The following NWD1 variants were observed in gnomAD, a reference collection of about 807,000 sequenced individuals.
NWD1 encodes the protein NACHT and WD repeat domain containing 1.
NWD1 carries 129 observed loss-of-function variants against 135.1 expected under a neutral mutation model. The observed-to-expected ratio is 0.96, with a 90% CI of 0.83 to 1.11. NWD1 has a LOEUF of 1.11. NWD1 is among the 50% of genes least tolerant of loss of function. The pLI is 0.00. For missense variants in NWD1, 1,740 were observed against 1,851.3 expected, an observed-to-expected ratio of 0.94 and a Z score of 1.10; for synonymous variants, 773 against 786.0, an observed-to-expected ratio of 0.98 and a Z score of 0.28.
chr19:16,793,583 G>GT (rs35605941), intron 14 of NWD1, among the ~76,000 whole-genome samples: 119 of 142,696 alleles, frequency 8.3e-4, no homozygotes, highest in African/African-American at 2.5e-3. Context: ...GTTTTTGGTT[G>GT]TTTTTTTTTT....
intron 6 of NWD1, among the ~76,000 whole-genome samples, chr19:16,756,828 G>GCTC (rs1305813972): frequency 6.6e-6 from 1 of 152,118 alleles, no homozygotes; most frequent in Non-Finnish European, 1.5e-5. Context: ...ACTTCTTGCT[G>GCTC]CTCCTCATCA....
At chr19:16,813,039 G>A (rs542721784) in intron 18 of NWD1, among the ~76,000 whole-genome samples, 4 of 152,304 alleles carry the variant, frequency 2.6e-5, no homozygotes, top group East Asian at 3.9e-4. Flanking sequence ...TCTGGAGTTC[G>A]AGAACTCCCT....
At chr19:16,746,539 G>C (rs2122784168) in intron 5 of NWD1, among the ~76,000 whole-genome samples, 1 of 152,192 alleles carries the variant, frequency 6.6e-6, no homozygotes, top group South Asian at 2.1e-4. Context: ...TGGGCATGGT[G>C]GTGCACACCT....
chr19:16,735,826 GAA>G lies in NWD1; in HGVS notation c.82-806_82-805del, dbSNP rs1226433353. ...GGAAGGAAGGAAGGAAGGAAGGAAGGAAAGAAGGAAGGAAGGAAGGAAGGAAG... is the reference window on the plus strand; with the variant it reads ...GGAAGGAAGGAAGGAAGGAAGGAAGGAGAAGGAAGGAAGGAAGGAAGGAAG... On this transcript the variant is annotated intron_variant, in intron 3 of 18. Transcript: ENST00000524140. Among the ~76,000 whole-genome samples the G allele has an allele frequency of 3.9e-4, 22 of 57,126 alleles. No individual in the cohort carries two copies. The South Asian group carries it at 9.0e-3, about 23-fold the overall frequency. 37.5% of individuals were successfully genotyped at this position (57,126 alleles called of 152,430 possible). A position where few individuals can be genotyped will look rare whatever the true frequency, so the allele number is the denominator to read the frequency against.
rs1372600263 is a variant in NWD1 at position 16,799,940 on chromosome 19, G to GC, written c.3519dup (p.Val1174ArgfsTer31). 1.2e-6 allele frequency: 2 copies of GC among 1,613,844 alleles called. No individual in the cohort carries two copies. The highest frequency in any genetic ancestry group is 2.7e-5 in the African/African-American group (2 of 74,936). On this transcript the variant is annotated frameshift_variant, in exon 17 of 19. Transcript: ENST00000524140. LOFTEE classifies it high-confidence loss of function. The stretch of plus-strand genomic sequence containing the variant: ...TCTGGACATCCTGGAAGGCGTCGGG[G>GC]CCCCCGTGAGCCTGCTGGCCCGCGG...
Position 16,817,411 on chromosome 19 carries a change from G to T in NWD1, c.*2372G>T, listed in dbSNP as rs1335008783. The T allele has an allele frequency of 6.6e-6, 1 of 151,878 alleles. No homozygotes were observed. Among genetic ancestry groups the T allele is most frequent in the Non-Finnish European group, 1.5e-5 (1 of 68,026 alleles). 9.4% of individuals were successfully genotyped at this position (151,878 alleles called of 1,614,324 possible). On this transcript the variant is annotated 3_prime_UTR_variant, in exon 19 of 19. Coordinates refer to ENST00000524140, the MANE Select transcript of NWD1 (RefSeq NM_001007525.5). ...AGGCCAGGTGTTCAAGAGCAGCCTGGTCAACATGGTGAAACTCTGTCTCTA... is the reference window on the plus strand; with the variant it reads ...AGGCCAGGTGTTCAAGAGCAGCCTGTTCAACATGGTGAAACTCTGTCTCTA...
chr19:16,749,808 T>A lies in NWD1; in HGVS notation c.1166T>A (p.Ile389Asn), dbSNP rs1286585651. The A allele has an allele frequency of 3.1e-6, 5 of 1,606,768 alleles. No individual in the cohort carries two copies. Among genetic ancestry groups the A allele is most frequent in the Non-Finnish European group, 4.3e-6 (5 of 1,176,076 alleles). ...SSDARGLLKS[I>N]CFQVCLAYGL... ...GATGCCCGTGGCCTGCTGAAGAGCA[T>A]CTGCTTCCAGGTGTGCCTGGCCTAT... The change falls in exon 6 of 19, where the codon ATC becomes AAC. Residue 389 changes from isoleucine (I) to asparagine (N), a missense_variant. Coordinates refer to ENST00000524140, the MANE Select transcript of NWD1 (RefSeq NM_001007525.5).
intron 1 of NWD1, among the ~76,000 whole-genome samples, chr19:16,722,120 A>C (rs77315388): frequency 0.011 from 948 of 86,742 alleles, 7 homozygotes; most frequent in South Asian, 0.016. Context: ...CTCTTGAAAA[A>C]AACAACAACA....
At chr19:16,780,093 G>A (rs1969802019) in intron 12 of NWD1, among the ~76,000 whole-genome samples, 1 of 151,682 alleles carries the variant, frequency 6.6e-6, no homozygotes. Flanking sequence ...ACTCAACTTT[G>A]CTCCACGTGG....
In NWD1 at chr19:16,800,104, C is replaced by T. The variant is rs747397168; in HGVS notation, c.3678C>T (p.Tyr1226=). 27 of 1,613,634 alleles carry T rather than the reference C, an allele frequency of 1.7e-5. 1 individual carries two copies. The highest frequency in any genetic ancestry group is 1.3e-4 in the African/African-American group (10 of 74,928). The change falls in exon 17 of 19, where the codon TAC becomes TAT. Residue 1226 remains tyrosine (Y), a synonymous_variant. Transcript: ENST00000524140. The part of the protein sequence containing the change: ...GLTAVSHNGS[Y]VYFPKIGDKN... Reference sequence around the variant, plus strand: ...CCGCAGTGTCCCACAATGGAAGCTACGTCTACTTCCCCAAAATTGGGGACA... The same window carrying T: ...CCGCAGTGTCCCACAATGGAAGCTATGTCTACTTCCCCAAAATTGGGGACA...
At chr19:16,771,218 G>A (rs143893605) in intron 10 of NWD1, among the ~76,000 whole-genome samples, 5 of 152,322 alleles carry the variant, frequency 3.3e-5, no homozygotes, top group South Asian at 4.1e-4. Context: ...TTGAGAAGCC[G>A]AGGCAGGCAG....
At position 16,808,274 on chromosome 19, in the gene NWD1, G is replaced by T. The variant is rs180860044; in HGVS notation, c.4287+138G>T. On this transcript the variant is annotated intron_variant, in intron 18 of 18. Transcript: ENST00000524140. ...TGATGAAAATGAGGCACTTGGTCAG[G>T]CGCAGTGGCTCACGCCTGTAATCCC... The T allele has an allele frequency of 5.2e-6, 4 of 765,484 alleles. No individual in the cohort carries two copies. In the African/African-American group the frequency reaches 7.0e-5, roughly 13 times the overall value. The allele number at this position is 765,484 out of a possible 1,614,324, so 47.4% of individuals were successfully genotyped here. A position where few individuals can be genotyped will look rare whatever the true frequency, so the allele number is the denominator to read the frequency against.
At chr19:16,780,438 G>C (rs1387899083) in intron 12 of NWD1, among the ~76,000 whole-genome samples, 5 of 152,160 alleles carry the variant, frequency 3.3e-5, no homozygotes, top group Non-Finnish European at 7.4e-5. Flanking sequence ...TTACAGGCGT[G>C]AGCCACCGTG....
intron 13 of NWD1, among the ~76,000 whole-genome samples, chr19:16,789,708 C>T (rs1970174632): frequency 7.1e-6 from 1 of 140,418 alleles, no homozygotes; most frequent in Non-Finnish European, 1.5e-5. Flanking sequence ...TCTCTCTCTC[C>T]TCTCTCTCTT....
At position 16,760,932 on chromosome 19, in the gene NWD1, A is replaced by G. The variant is rs560231020; in HGVS notation, c.1974-1047A>G. On this transcript the variant is annotated intron_variant, in intron 7 of 18. Coordinates refer to ENST00000524140, the MANE Select transcript of NWD1 (RefSeq NM_001007525.5). The stretch of plus-strand genomic sequence containing the variant: ...AATTGAGTGGTATTTTAGTACACTC[A>G]TAATGTTGCACCCCTCACCTCTGTC... Among the ~76,000 whole-genome samples the G allele has an allele frequency of 2.6e-5, 4 of 152,288 alleles. No individual in the cohort carries two copies. The South Asian group carries it at 8.3e-4, about 32-fold the overall frequency.
rs539405730 is a variant in NWD1, at chr19:16,815,980, C to T, written c.*941C>T. The T allele has an allele frequency of 6.6e-6, 1 of 152,412 alleles. No homozygotes were observed. Among genetic ancestry groups the T allele is most frequent in the South Asian group, 2.1e-4 (1 of 4,832 alleles). 9.4% of individuals were successfully genotyped at this position (152,412 alleles called of 1,614,324 possible). A position where few individuals can be genotyped will look rare whatever the true frequency, so the allele number is the denominator to read the frequency against. ...TATAATTTGATTCAGGTCACAAGTC[C>T]AAGGTGCAAGAGCTCTGAGAGTGAG... On this transcript the variant is annotated 3_prime_UTR_variant, in exon 19 of 19. Transcript: ENST00000524140.
intron 5 of NWD1, among the ~76,000 whole-genome samples, chr19:16,748,841 G>T (rs773914): frequency 0.046 from 5,904 of 129,560 alleles, 149 homozygotes; most frequent in African/African-American, 0.076. Flanking sequence ...ATAATAATAA[G>T]AAGAAGAATA....
At chr19:16,796,087 G>T (rs1970408691) in intron 15 of NWD1, among the ~76,000 whole-genome samples, 1 of 152,152 alleles carries the variant, frequency 6.6e-6, no homozygotes, top group Non-Finnish European at 1.5e-5. Flanking sequence ...GTTTTTATAG[G>T]CACAGGATGG....
chr19:16,793,859 G>A (rs1970332813), intron 14 of NWD1, among the ~76,000 whole-genome samples: 2 of 152,146 alleles, frequency 1.3e-5, no homozygotes, highest in Admixed American at 6.5e-5. Flanking sequence ...TTACAAGCAT[G>A]AGCCGCCACA....
Sources: gnomAD v4.1 joint callset for allele counts (sites outside exome capture counted in the v4.1 genomes callset) on GRCh38, gnomAD v4.1.1 for gene constraint, MANE v1.5 for transcripts, NCBI Gene and HGNC (gene_info 2026-07-23, HGNC 2026-07-21) for gene names.